Variants in TRRAP observed in about 807,000 individuals in gnomAD.
The protein encoded by TRRAP is transformation/transcription domain associated protein, also known as transformation/transcription domain-associated protein.
TRRAP carries 41 observed loss-of-function variants against 438.8 expected under a neutral mutation model. The observed-to-expected ratio is 0.09, with a 90% CI of 0.07 to 0.12. TRRAP has a LOEUF of 0.12. Among genes scored for constraint, TRRAP ranks in the 10% least tolerant of loss-of-function variants. The pLI is 1.00. For synonymous variants in TRRAP, 1,994 were observed against 1,962.9 expected (o/e 1.02, Z -0.42); for missense variants, 3,122 against 5,055.1 (o/e 0.62, Z 11.60).
At chr7:98,935,324 G>A (rs1226611193) in intron 27 of TRRAP, among the ~76,000 whole-genome samples, 1 of 151,702 alleles carries the variant, frequency 6.6e-6, no homozygotes, top group Non-Finnish European at 1.5e-5. Flanking sequence ...ATCAGAGTGG[G>A]TGAGAAAAAA....
At position 98,984,953 on chromosome 7, in the gene TRRAP, G is replaced by A; in HGVS notation, c.9298G>A (p.Val3100Ile). The A allele has an allele frequency of 6.2e-7, 1 of 1,610,146 alleles. No individual in the cohort carries two copies. The highest frequency in any genetic ancestry group is 8.5e-7 in the Non-Finnish European group (1 of 1,177,888). The change falls in exon 62 of 73, where the codon GTT becomes ATT. Residue 3100 changes from valine (V) to isoleucine (I), a missense_variant. Coordinates refer to ENST00000456197, the MANE Select transcript of TRRAP (RefSeq NM_001375524.1). The stretch of plus-strand genomic sequence containing the variant: ...CATTTTTTTTGAACAGGGCCTTGAA[G>A]TTATTGAATCTACAAATTTAAAATA... ...GKNECMQGLEVIESTNLKYFT... is the reference protein window; with the variant it reads ...GKNECMQGLEIIESTNLKYFT...
rs183562742 is a variant in TRRAP, at chr7:98,931,356, A to G, written c.3592-49A>G. ...CAGGTGTGCAGGAGACGGCAGTTGC[A>G]GTGGGTGGCATCGCCCTGCTTTCAT... On this transcript the variant is annotated intron_variant, in intron 25 of 72. Transcript: ENST00000456197. The G allele has an allele frequency of 2.5e-4, 396 of 1,593,598 alleles. 2 individuals are homozygous for G. In the African/African-American group the frequency reaches 4.4e-3, roughly 18 times the overall value.
At chr7:98,940,482 A>C (rs1459238545) in intron 30 of TRRAP, among the ~76,000 whole-genome samples, 1 of 152,170 alleles carries the variant, frequency 6.6e-6, no homozygotes, top group African/African-American at 2.4e-5. Flanking sequence ...CTAACCCTTC[A>C]GACCTGCTGT....
chr7:98,890,406 A>G lies in TRRAP; in HGVS notation c.222A>G (p.Gln74=). 6.2e-7 allele frequency: 1 copy of G among 1,605,042 alleles called. No individual in the cohort carries two copies. Among genetic ancestry groups the G allele is most frequent in the Non-Finnish European group, 8.5e-7 (1 of 1,177,298 alleles). The stretch of plus-strand genomic sequence containing the variant: ...TCCCTCGATTCCTTACATTTCTCCA[A>G]GATGGAGAAGTTCAGTTTCTTCAGG... ...HIIPRFLTFL[Q]DGEVQFLQEK... Residue 74 remains glutamine (Q), a synonymous_variant, in exon 4 of 73, where the codon CAA becomes CAG. Coordinates refer to ENST00000456197, the MANE Select transcript of TRRAP (RefSeq NM_001375524.1).
chr7:98,959,573 T>C (rs1334973610), intron 45 of TRRAP, 83 bp downstream of exon 45: 18 of 1,547,546 alleles, frequency 1.2e-5, no homozygotes, highest in Admixed American at 9.8e-5. Context: ...ACTGGACATT[T>C]GTGGATCACT....
At chr7:98,993,404 T>TG in intron 65 of TRRAP, 134 bp from the exon 66 acceptor site, 1 of 949,144 alleles carries the variant, frequency 1.1e-6, no homozygotes, top group Non-Finnish European at 1.6e-6. Context: ...ACGCAGTCCT[T>TG]GGGGAAGCGG....
At chr7:98,928,357 G>A (rs1209359682) in intron 23 of TRRAP, among the ~76,000 whole-genome samples, 2 of 152,152 alleles carry the variant, frequency 1.3e-5, no homozygotes, top group Admixed American at 6.5e-5. Flanking sequence ...TCTGCAGACC[G>A]CACTGGAGTA....
At chr7:99,002,130 T>TGGGGGGGGGGGGGGGGGGGGGGGGGG (rs1562980307) in intron 67 of TRRAP, among the ~76,000 whole-genome samples, 1 of 37,394 alleles carries the variant, frequency 2.7e-5, no homozygotes, top group Admixed American at 2.9e-4. Context: ...GGCGGGGGGG[T>TGGGGGGGGGGGGGGGGGGGGGGGGGG]GGGGTGGTGG....
In TRRAP at chr7:98,991,690, TCTC is replaced by T. The variant is rs538225015; in HGVS notation, c.9757-442_9757-440del. 6.6e-5 allele frequency among the ~76,000 whole-genome samples: 10 copies of T among 152,266 alleles called. No individual in the cohort carries two copies. The South Asian group carries it at 1.9e-3, about 28-fold the overall frequency. The stretch of plus-strand genomic sequence containing the variant: ...CTTAACTGAAACGGACATCCCTCCA[TCTC>T]CTCCCAGCTGCAGTTAGGCAGAATA... On this transcript the variant is annotated intron_variant, in intron 64 of 72. Transcript: ENST00000456197.
chr7:98,894,331 G>C (rs1554405401), intron 6 of TRRAP, among the ~76,000 whole-genome samples: 2 of 152,126 alleles, frequency 1.3e-5, no homozygotes, highest in African/African-American at 4.8e-5. Context: ...TGAGGAATTA[G>C]ACATAAAGTT....
At chr7:98,922,951 C>A (rs1419249303) in intron 21 of TRRAP, among the ~76,000 whole-genome samples, 1 of 152,132 alleles carries the variant, frequency 6.6e-6, no homozygotes, top group East Asian at 1.9e-4. Flanking sequence ...GAAGCTGGTA[C>A]AGATAAGCGT....
rs1223446767 is a variant in TRRAP at position 98,897,816 on chromosome 7, A to G, written c.583A>G (p.Thr195Ala). ...PPPEMVGMIT[T>A]IAVKVNPERE... The stretch of plus-strand genomic sequence containing the variant: ...CCCAGAAATGGTTGGTATGATAACA[A>G]CGATTGCTGTGAAAGTCAACCCGGA... The change falls in exon 8 of 73, where the codon ACG becomes GCG. Residue 195 changes from threonine to alanine, a missense_variant. This residue lies in a region of TRRAP where 343 missense variants were observed against 564.0 expected (regional missense o/e 0.61). Transcript: ENST00000456197. The G allele has an allele frequency of 6.8e-6, 11 of 1,613,984 alleles. No individual in the cohort carries two copies. Among genetic ancestry groups the G allele is most frequent in the Middle Eastern group, 3.3e-4 (2 of 6,084 alleles).
intron 4 of TRRAP, 138 bp from the exon 5 acceptor site, chr7:98,892,286 G>A: frequency 1.4e-6 from 1 of 694,334 alleles, no homozygotes; most frequent in Non-Finnish European, 2.5e-6. Context: ...TTGAAAAACT[G>A]GGTCCATTTT....
chr7:98,931,810 A>G, intron 26 of TRRAP, 145 bp downstream of exon 26: 1 of 1,014,958 alleles, frequency 9.9e-7, no homozygotes, highest in Non-Finnish European at 1.4e-6. Flanking sequence ...CGTGGGTACC[A>G]AAATCTGGGA....
chr7:98,932,544 A>G (rs1465606615), intron 26 of TRRAP, among the ~76,000 whole-genome samples: 3 of 151,600 alleles, frequency 2.0e-5, no homozygotes, highest in Non-Finnish European at 2.9e-5. Flanking sequence ...GGCTCTCACT[A>G]TGTTGCCCAG....
chr7:98,973,041 G>A (rs931507547), intron 53 of TRRAP, among the ~76,000 whole-genome samples: 6 of 152,108 alleles, frequency 3.9e-5, no homozygotes, highest in African/African-American at 1.4e-4. Context: ...GTATAGTGGT[G>A]CAATCTCGGC....
In TRRAP at chr7:98,911,194, C is replaced by G. The variant is rs782410672; in HGVS notation, c.1930C>G (p.Pro644Ala). Reference protein sequence around the residue: ...HFAGVFTMMNPLTFKEIFQTT... With the variant: ...HFAGVFTMMNALTFKEIFQTT... ...CGCTGGTGTGTTCACAATGATGAAC[C>G]CCTTAACGTTCAAAGAAATCTTCCA... is the stretch of plus-strand genomic sequence containing the variant. The change falls in exon 17 of 73, where the codon CCC (proline) becomes GCC (alanine). Residue 644 changes from proline to alanine, a missense_variant. Pro to Ala is a conservative substitution (Grantham distance 27, BLOSUM62 -1). This residue lies in a region of TRRAP where 149 missense variants were observed against 302.8 expected (regional missense o/e 0.49). Transcript: ENST00000456197. 9.3e-6 allele frequency: 15 copies of G among 1,613,828 alleles called. No homozygotes were observed. Among genetic ancestry groups the G allele is most frequent in the Non-Finnish European group, 1.0e-5 (12 of 1,179,978 alleles).
intron 23 of TRRAP, among the ~76,000 whole-genome samples, chr7:98,928,656 T>G (rs1039667291): frequency 2.0e-5 from 3 of 152,230 alleles, no homozygotes; most frequent in Non-Finnish European, 4.4e-5. Flanking sequence ...TGTTGTATGT[T>G]AGGAATATCC....
rs752961978 is a variant in TRRAP, at chr7:99,004,171, A to C, written c.10310-19A>C. On this transcript the variant is annotated intron_variant, in intron 67 of 72. Coordinates refer to ENST00000456197, the MANE Select transcript of TRRAP (RefSeq NM_001375524.1). ...GCCCAGATGACTAAAAACGTTTTTA[A>C]TCATGTTTTATTTTTAAGATTTTGA... is the stretch of plus-strand genomic sequence containing the variant. The C allele has an allele frequency of 1.2e-6, 2 of 1,601,432 alleles. No homozygotes were observed. The highest frequency in any genetic ancestry group is 1.8e-5 in the Admixed American group (1 of 57,134).
Sources: gnomAD v4.1 joint callset for allele counts (sites outside exome capture counted in the v4.1 genomes callset) on GRCh38, gnomAD v4.1.1 for gene constraint, gnomAD v4.1.1 regional missense constraint, MANE v1.5 for transcripts, NCBI Gene and HGNC (gene_info 2026-07-23, HGNC 2026-07-21) for gene names.